Variants in TMEM163 observed in about 807,000 individuals in gnomAD.
TMEM163 encodes transmembrane protein 163.
Under a neutral mutation model 29.3 loss-of-function variants are expected in TMEM163, and 17 were observed. That is an observed-to-expected ratio of 0.58 (90% CI 0.40 to 0.87). TMEM163 has a LOEUF of 0.87. Among genes scored for constraint, TMEM163 ranks in the 40% least tolerant of loss-of-function variants. The pLI is 0.00. For missense variants in TMEM163, 303 were observed against 381.5 expected (o/e 0.79, Z 1.71); for synonymous variants, 157 against 160.6 (o/e 0.98, Z 0.17).
At chr2:134,697,672 C>T (rs1353766373) in intron 2 of TMEM163, among the ~76,000 whole-genome samples, 1 of 152,014 alleles carries the variant, frequency 6.6e-6, no homozygotes, top group African/African-American at 2.4e-5. Flanking sequence ...GCCATGTTGG[C>T]CAGGCTGGTC....
intron 2 of TMEM163, among the ~76,000 whole-genome samples, chr2:134,658,170 T>C (rs1457186699): frequency 6.6e-6 from 1 of 152,186 alleles, no homozygotes; most frequent in Admixed American, 6.5e-5. Context: ...CTACTATGCA[T>C]AGGCAAAAGC....
At chr2:134,552,656 C>CTTTTTTT (rs35785546) in intron 2 of TMEM163, among the ~76,000 whole-genome samples, 3 of 113,526 alleles carry the variant, frequency 2.6e-5, no homozygotes, top group Admixed American at 9.6e-5. Context: ...TATTTTGATC[C>CTTTTTTT]TTTTTTTTTT....
intron 2 of TMEM163, among the ~76,000 whole-genome samples, chr2:134,695,762 T>C (rs1342371472): frequency 6.6e-6 from 1 of 152,188 alleles, no homozygotes; most frequent in Non-Finnish European, 1.5e-5. Flanking sequence ...AGTCTCATAT[T>C]ATTGTTTAAA....
At chr2:134,508,786 A>G (rs1369763986) in intron 4 of TMEM163, among the ~76,000 whole-genome samples, 2 of 144,104 alleles carry the variant, frequency 1.4e-5, no homozygotes, top group Admixed American at 1.4e-4. Flanking sequence ...CTCTCTCTCC[A>G]TCCATTTCCC....
intron 2 of TMEM163, among the ~76,000 whole-genome samples, chr2:134,612,225 A>C (rs567548636): frequency 6.6e-6 from 1 of 152,206 alleles, no homozygotes; most frequent in Non-Finnish European, 1.5e-5. Flanking sequence ...GAAAAGCTCT[A>C]TCTCCAGGGT....
intron 2 of TMEM163, among the ~76,000 whole-genome samples, chr2:134,676,168 T>C (rs1041604501): frequency 6.6e-6 from 1 of 152,198 alleles, no homozygotes; most frequent in African/African-American, 2.4e-5. Context: ...TTCTATGGTG[T>C]AAATACACTC....
intron 5 of TMEM163, among the ~76,000 whole-genome samples, chr2:134,476,960 T>C (rs188178390): frequency 3.3e-5 from 5 of 152,184 alleles, no homozygotes; most frequent in Non-Finnish European, 7.4e-5. Flanking sequence ...GTTTCCTCTT[T>C]ATCATCAACT....
Position 134,475,959 on chromosome 2 carries a change from T to C in TMEM163, c.556-9734A>G, listed in dbSNP as rs1338350794. On this transcript the variant is annotated intron_variant, in intron 5 of 7. Coordinates refer to ENST00000281924, the MANE Select transcript of TMEM163 (RefSeq NM_030923.5). ...TATGAAATTAAATATAGACTTACCA[T>C]AGGATTCAGCAATTCTACTCCAAGA... 2.0e-5 allele frequency among the ~76,000 whole-genome samples: 3 copies of C among 152,198 alleles called. No homozygotes were observed. The East Asian group carries it at 5.8e-4, about 29-fold the overall frequency.
chr2:134,502,377 G>A (rs1299656224), intron 5 of TMEM163, among the ~76,000 whole-genome samples: 4 of 152,094 alleles, frequency 2.6e-5, no homozygotes, highest in East Asian at 3.8e-4. Context: ...TCAGAGTGCC[G>A]GTAATGACTC....
intron 2 of TMEM163, among the ~76,000 whole-genome samples, chr2:134,696,175 A>G (rs149133282): frequency 1.4e-3 from 208 of 152,230 alleles, no homozygotes; most frequent in African/African-American, 4.9e-3. Context: ...TAGACAGCCA[A>G]TTGTGGTGGT....
chr2:134,674,430 G>A (rs1014306095), intron 2 of TMEM163, among the ~76,000 whole-genome samples: 1 of 130,226 alleles, frequency 7.7e-6, no homozygotes, highest in Admixed American at 8.9e-5. Context: ...TGAAACTCCC[G>A]CCTCCCGGGT....
intron 2 of TMEM163, among the ~76,000 whole-genome samples, chr2:134,705,499 A>G (rs901858523): frequency 6.6e-6 from 1 of 152,146 alleles, no homozygotes; most frequent in Non-Finnish European, 1.5e-5. Context: ...GACTTCCCAC[A>G]TTCGCCAATG....
At chr2:134,709,480 A>G (rs1239410972) in intron 2 of TMEM163, among the ~76,000 whole-genome samples, 21 of 152,240 alleles carry the variant, frequency 1.4e-4, no homozygotes, top group African/African-American at 5.1e-4. Flanking sequence ...ATAATTACAT[A>G]TGTGATCTAT....
At chr2:134,676,737 T>TA (rs1684123837) in intron 2 of TMEM163, among the ~76,000 whole-genome samples, 1 of 152,176 alleles carries the variant, frequency 6.6e-6, no homozygotes, top group Non-Finnish European at 1.5e-5. Flanking sequence ...ATTTACCTAT[T>TA]CTGGATATTT....
At chr2:134,535,049 T>C (rs1173176349) in intron 4 of TMEM163, among the ~76,000 whole-genome samples, 2 of 152,172 alleles carry the variant, frequency 1.3e-5, no homozygotes, top group African/African-American at 4.8e-5. Flanking sequence ...CACTACTATT[T>C]TGGAAAAGTA....
At chr2:134,545,048 T>G (rs1164244496) in intron 4 of TMEM163, among the ~76,000 whole-genome samples, 1 of 152,096 alleles carries the variant, frequency 6.6e-6, no homozygotes, top group Admixed American at 6.5e-5. Context: ...CCTACACAAG[T>G]GTGTGTGGAT....
At chr2:134,670,250 A>T (rs537137302) in intron 2 of TMEM163, among the ~76,000 whole-genome samples, 11 of 136,900 alleles carry the variant, frequency 8.0e-5, no homozygotes, top group African/African-American at 2.7e-4. Flanking sequence ...TGGCACCTTT[A>T]AAAAAAAAAG....
At chr2:134,615,776 C>T (rs1251655604) in intron 2 of TMEM163, among the ~76,000 whole-genome samples, 3 of 151,730 alleles carry the variant, frequency 2.0e-5, no homozygotes, top group South Asian at 2.1e-4. Context: ...CCTGCCTCAG[C>T]CACCTGAGTA....
intron 4 of TMEM163, among the ~76,000 whole-genome samples, chr2:134,515,344 C>T (rs532290): frequency 0.33 from 49,621 of 152,046 alleles, 8,688 homozygotes; most frequent in South Asian, 0.59. Flanking sequence ...TGGGAAATGA[C>T]GAGCTCAGCA....
Sources: gnomAD v4.1 joint callset for allele counts (sites outside exome capture counted in the v4.1 genomes callset) on GRCh38, gnomAD v4.1.1 for gene constraint, MANE v1.5 for transcripts, NCBI Gene and HGNC (gene_info 2026-07-23, HGNC 2026-07-21) for gene names.